Variants in ATRNL1 observed in about 807,000 individuals in gnomAD.
ATRNL1 encodes the protein attractin-like protein 1.
In ATRNL1, 95 loss-of-function variants were observed where a neutral mutation model predicts 182.7. That is an observed-to-expected ratio of 0.52 (90% confidence interval 0.44 to 0.62). The LOEUF (loss-of-function observed/expected upper bound fraction) is 0.62, where lower values mean the gene tolerates loss of function less well. Among genes scored for constraint, ATRNL1 ranks in the 20% least tolerant of loss-of-function variants. ATRNL1 has a pLI of 0.00. For synonymous variants in ATRNL1, 576 were observed against 568.3 expected, an observed-to-expected ratio of 1.01 and a Z score of -0.19; for missense variants, 1,471 against 1,679.5, an observed-to-expected ratio of 0.88 and a Z score of 2.17.
chr10:115,670,075 C>G (rs1201013155), intron 26 of ATRNL1, among the ~76,000 whole-genome samples: 1 of 151,976 alleles, frequency 6.6e-6, no homozygotes, highest in African/African-American at 2.4e-5. Flanking sequence ...GACTCTGGAG[C>G]CAGAGAACTG....
At chr10:115,702,505 C>T (rs1946769736) in intron 26 of ATRNL1, among the ~76,000 whole-genome samples, 1 of 151,734 alleles carries the variant, frequency 6.6e-6, no homozygotes, top group African/African-American at 2.4e-5. Flanking sequence ...TAATTCTATA[C>T]TTAGGAAACA....
chr10:115,754,227 T>A (rs1948525776), intron 27 of ATRNL1, among the ~76,000 whole-genome samples: 1 of 152,196 alleles, frequency 6.6e-6, no homozygotes, highest in Non-Finnish European at 1.5e-5. Flanking sequence ...TTTTGGTGTT[T>A]TAGTCATGAA....
chr10:115,407,229 A>C (rs1565008173), intron 20 of ATRNL1, among the ~76,000 whole-genome samples: 2 of 152,128 alleles, frequency 1.3e-5, no homozygotes, highest in African/African-American at 4.8e-5. Context: ...TTGTGTTAGG[A>C]ACATTAACAC....
chr10:115,380,076 C>A (rs1052458288), intron 19 of ATRNL1, among the ~76,000 whole-genome samples: 3 of 152,138 alleles, frequency 2.0e-5, no homozygotes, highest in African/African-American at 4.8e-5. Context: ...GTGATCCGCC[C>A]GCCTCAGCCT....
At chr10:115,218,135 T>C (rs1554896664) in intron 9 of ATRNL1, among the ~76,000 whole-genome samples, 4 of 151,926 alleles carry the variant, frequency 2.6e-5, no homozygotes, top group African/African-American at 9.7e-5. Context: ...CTCACCATAA[T>C]GTAGAATAAG....
chr10:115,467,137 T>G lies in ATRNL1; in HGVS notation c.3418-37T>G, dbSNP rs112212938. 5,302 of 1,225,014 alleles carry G rather than the reference T, an allele frequency of 4.3e-3. 159 individuals are homozygous for G. The African/African-American group carries it at 0.066, about 15-fold the overall frequency. The allele number at this position is 1,225,014 out of a possible 1,614,324, so 75.9% of individuals were successfully genotyped here. Reference sequence around the variant, plus strand: ...CTAAATCATATATATCTAGTGTAATTTTCGTTTTTTAACCTTAATATTTTC... The same window carrying G: ...CTAAATCATATATATCTAGTGTAATGTTCGTTTTTTAACCTTAATATTTTC... On this transcript the variant is annotated intron_variant, in intron 22 of 28. Transcript: ENST00000355044.
At chr10:115,586,525 C>G (rs1263268942) in intron 26 of ATRNL1, among the ~76,000 whole-genome samples, 1 of 95,646 alleles carries the variant, frequency 1.0e-5, no homozygotes, top group Non-Finnish European at 2.4e-5. Context: ...CACTGATACC[C>G]TTTCTTCCAG....
chr10:115,853,708 T>C (rs1951108401), intron 28 of ATRNL1, among the ~76,000 whole-genome samples: 1 of 152,220 alleles, frequency 6.6e-6, no homozygotes, highest in Non-Finnish European at 1.5e-5. Context: ...GGCATGTTAG[T>C]TACCCTTTAA....
intron 24 of ATRNL1, among the ~76,000 whole-genome samples, chr10:115,484,973 C>T (rs1227054095): frequency 6.6e-6 from 1 of 151,796 alleles, no homozygotes; most frequent in Non-Finnish European, 1.5e-5. Flanking sequence ...GCAAGAATCA[C>T]TATGTGAGCG....
intron 26 of ATRNL1, among the ~76,000 whole-genome samples, chr10:115,602,670 T>G (rs1856663801): frequency 6.6e-6 from 1 of 152,124 alleles, no homozygotes; most frequent in Admixed American, 6.5e-5. Flanking sequence ...GAGACCATCC[T>G]GGCTAACACG....
chr10:115,829,496 T>A (rs1183101233), intron 27 of ATRNL1, among the ~76,000 whole-genome samples: 1 of 127,442 alleles, frequency 7.8e-6, no homozygotes, highest in African/African-American at 3.0e-5. Context: ...GCTTTCTTTT[T>A]AAATTTTCTT....
chr10:115,570,216 C>T (rs1854309740), intron 26 of ATRNL1, among the ~76,000 whole-genome samples: 1 of 152,188 alleles, frequency 6.6e-6, no homozygotes, highest in Admixed American at 6.5e-5. Context: ...CCAGCCGTGG[C>T]TTCCCAAAGT....
chr10:115,120,297 G>GT lies in ATRNL1; in HGVS notation c.377+30dup, dbSNP rs782319387. On this transcript the variant is annotated intron_variant, in intron 2 of 28. Coordinates refer to ENST00000355044, the MANE Select transcript of ATRNL1 (RefSeq NM_207303.4). ...AGTATACAGTCTGAGTCAAATTAAT[G>GT]TATTTTATTCTTAAATGATAAAGGT... 2.6e-6 allele frequency: 3 copies of GT among 1,151,814 alleles called. No individual in the cohort carries two copies. The African/African-American group carries it at 4.7e-5, about 18-fold the overall frequency. The allele number at this position is 1,151,814 out of a possible 1,614,324, so 71.3% of individuals were successfully genotyped here.
In ATRNL1 at chr10:115,265,248, A is replaced by T. The variant is rs1851560527; in HGVS notation, c.1743A>T (p.Arg581Ser). The T allele has an allele frequency of 6.2e-7, 1 of 1,608,216 alleles. No homozygotes were observed. The highest frequency in any genetic ancestry group is 8.5e-7 in the Non-Finnish European group (1 of 1,176,506). The part of the protein sequence containing the change: ...PKPNLHRDVN[R>S]FGHSAVVING... The stretch of plus-strand genomic sequence containing the variant: ...CAAATCTTCATAGAGATGTCAACAG[A>T]TTTGGACACTCTGCAGTAGTCATTA... The change falls in exon 11 of 29, where the codon AGA (arginine) becomes AGT (serine). Residue 581 changes from arginine to serine, a missense_variant. This residue lies in a region of ATRNL1 where 1,031 missense variants were observed against 1,156.0 expected (regional missense o/e 0.89). Transcript: ENST00000355044.
chr10:115,851,253 A>G (rs1447051947), intron 28 of ATRNL1, among the ~76,000 whole-genome samples: 1 of 152,312 alleles, frequency 6.6e-6, no homozygotes, highest in East Asian at 1.9e-4. Context: ...GAAGCATCCT[A>G]TGAGCATGGT....
rs182251566 is a variant in ATRNL1 at position 115,149,608 on chromosome 10, G to C, written c.830-10432G>C. On this transcript the variant is annotated intron_variant, in intron 5 of 28. Coordinates refer to ENST00000355044, the MANE Select transcript of ATRNL1 (RefSeq NM_207303.4). The stretch of plus-strand genomic sequence containing the variant: ...CTCTTGAGATGATAATATGGTTTTT[G>C]TTCTTCATGTTGCTGATATGATAGA... Among the ~76,000 whole-genome samples the C allele has an allele frequency of 6.2e-3, 944 of 152,126 alleles. 1 individual carries two copies. The highest frequency in any genetic ancestry group is 0.011 in the Non-Finnish European group (721 of 67,990).
At chr10:115,714,116 T>G (rs1372591414) in intron 26 of ATRNL1, among the ~76,000 whole-genome samples, 3 of 152,208 alleles carry the variant, frequency 2.0e-5, no homozygotes, top group African/African-American at 7.2e-5. Flanking sequence ...TTTTGTTTTC[T>G]GGATTGCCCC....
At chr10:115,786,353 T>C (rs983938234) in intron 27 of ATRNL1, among the ~76,000 whole-genome samples, 1 of 152,050 alleles carries the variant, frequency 6.6e-6, no homozygotes, top group Non-Finnish European at 1.5e-5. Flanking sequence ...AAGTGTATGG[T>C]TTCACAGTTC....
At chr10:115,430,335 A>G (rs1254468401) in intron 21 of ATRNL1, among the ~76,000 whole-genome samples, 4 of 151,722 alleles carry the variant, frequency 2.6e-5, no homozygotes, top group Admixed American at 1.3e-4. Context: ...TAGTTCATCA[A>G]TTTCAGATTT....
Sources: gnomAD v4.1 joint callset for allele counts (sites outside exome capture counted in the v4.1 genomes callset) on GRCh38, gnomAD v4.1.1 for gene constraint, gnomAD v4.1.1 regional missense constraint, MANE v1.5 for transcripts, NCBI Gene and HGNC (gene_info 2026-07-23, HGNC 2026-07-21) for gene names.